LYRM7: variants seen among roughly 807,000 people sequenced by gnomAD.
LYRM7 encodes complex III assembly factor LYRM7.
LYRM7 carries 9 observed loss-of-function variants against 15.8 expected under a neutral mutation model. The ratio of observed to expected loss-of-function variants is 0.57; its 90% CI spans 0.34 to 0.99. The LOEUF is 0.99. Ranked by LOEUF, LYRM7 falls within the 50% of genes least tolerant of loss-of-function variation. LYRM7 has a pLI of 0.02. For missense variants in LYRM7, 115 were observed against 119.1 expected, an observed-to-expected ratio of 0.97 and a Z score of 0.16; for synonymous variants, 39 against 39.4, an observed-to-expected ratio of 0.99 and a Z score of 0.04.
chr5:131,176,556 C>A (rs1284535513), intron 1 of LYRM7, among the ~76,000 whole-genome samples: 2 of 144,136 alleles, frequency 1.4e-5, no homozygotes, highest in Non-Finnish European at 3.0e-5. Context: ...TATTCAAATT[C>A]TTTGACTTTT....
chr5:131,171,978 A>G (rs773054018), intron 1 of LYRM7, among the ~76,000 whole-genome samples: 7 of 152,252 alleles, frequency 4.6e-5, no homozygotes, highest in Non-Finnish European at 7.3e-5. Flanking sequence ...TAGTGGATGC[A>G]ACAATAAGCT....
rs1259832454 is a variant in LYRM7, at chr5:131,202,493, A to G, written c.*2892A>G. The stretch of plus-strand genomic sequence containing the variant: ...TGAGAGAACAAGACTCCGTCTCAAA[A>G]AAAGAAAAAAAGAAAACTTTTTTAC... On this transcript the variant is annotated 3_prime_UTR_variant, in exon 5 of 5. Coordinates refer to ENST00000379380, the MANE Select transcript of LYRM7 (RefSeq NM_181705.4). 6.6e-6 allele frequency: 1 copy of G among 152,228 alleles called. No homozygotes were observed. The highest frequency in any genetic ancestry group is 1.5e-5 in the Non-Finnish European group (1 of 68,056). 9.4% of individuals were successfully genotyped at this position (152,228 alleles called of 1,614,324 possible).
chr5:131,177,702 G>A (rs1189342519), intron 1 of LYRM7, among the ~76,000 whole-genome samples: 1 of 151,966 alleles, frequency 6.6e-6, no homozygotes, highest in African/African-American at 2.4e-5. Flanking sequence ...GTTTTATGTT[G>A]GGCACTTGGT....
rs184045731 is a variant in LYRM7 at position 131,173,559 on chromosome 5, C to T, written c.18+2521C>T. Among the ~76,000 whole-genome samples, 52 of 152,266 alleles carry T rather than the reference C, an allele frequency of 3.4e-4. No homozygotes were observed. The South Asian group carries it at 7.3e-3, about 21-fold the overall frequency. On this transcript the variant is annotated intron_variant, in intron 1 of 4. Transcript: ENST00000379380. ...AAGAGTTCGAGACCCATCTGGCCAA[C>T]GCAGTGAAACCCCGTCTCTACTAAA...
Position 131,188,110 on chromosome 5 carries a change from A to G in LYRM7, c.244+1001A>G, listed in dbSNP as rs546479833. ...CGCCTCTACAAAAAATACAAAAGTT[A>G]TCAGGATGCAGTGGTGCACACCTGT... On this transcript the variant is annotated intron_variant, in intron 4 of 4. Coordinates refer to ENST00000379380, the MANE Select transcript of LYRM7 (RefSeq NM_181705.4). Among the ~76,000 whole-genome samples, 47 of 152,094 alleles carry G rather than the reference A, an allele frequency of 3.1e-4. 1 individual carries two copies. The highest frequency in any genetic ancestry group is 1.1e-3 in the African/African-American group (47 of 41,494).
chr5:131,187,493 T>TGG (rs763200624), intron 4 of LYRM7, among the ~76,000 whole-genome samples: 13,835 of 151,524 alleles, frequency 0.091, 775 homozygotes, highest in South Asian at 0.13. Context: ...GTTTTTTTTT[T>TGG]GGGTTTTTTG....
chr5:131,176,225 C>T (rs941020978), intron 1 of LYRM7, among the ~76,000 whole-genome samples: 1 of 152,122 alleles, frequency 6.6e-6, no homozygotes, highest in Admixed American at 6.5e-5. Flanking sequence ...AACATGTTTT[C>T]ATTTGTCTTG....
At chr5:131,183,141 A>G (rs1490601590) in intron 3 of LYRM7, among the ~76,000 whole-genome samples, 2 of 152,158 alleles carry the variant, frequency 1.3e-5, no homozygotes, top group African/African-American at 4.8e-5. Flanking sequence ...ACTGATAAAA[A>G]ATGCATTTAT....
chr5:131,174,089 C>G (rs942635054), intron 1 of LYRM7, among the ~76,000 whole-genome samples: 2 of 152,232 alleles, frequency 1.3e-5, no homozygotes, highest in Non-Finnish European at 2.9e-5. Flanking sequence ...CCAGCCACTA[C>G]TTTATCAACT....
chr5:131,182,128 T>C (rs1561544823), intron 2 of LYRM7, 101 bp from the exon 3 acceptor site: 3 of 1,047,914 alleles, frequency 2.9e-6, no homozygotes, highest in East Asian at 8.5e-5. Context: ...GCAATTTCTA[T>C]AGTAGAGAAG....
At chr5:131,173,479 C>T (rs1483273815) in intron 1 of LYRM7, among the ~76,000 whole-genome samples, 2 of 152,242 alleles carry the variant, frequency 1.3e-5, no homozygotes, top group Non-Finnish European at 2.9e-5. Context: ...GGAAAGGTGG[C>T]TCACGCCTGT....
intron 4 of LYRM7, among the ~76,000 whole-genome samples, chr5:131,194,227 A>G (rs533973051): frequency 6.6e-6 from 1 of 152,226 alleles, no homozygotes; most frequent in Non-Finnish European, 1.5e-5. Flanking sequence ...AAATTATAAT[A>G]AAAACAGTAT....
chr5:131,187,153 T>C (rs1211988656), intron 4 of LYRM7, 44 bp downstream of exon 4: 1 of 1,082,194 alleles, frequency 9.2e-7, no homozygotes, highest in African/African-American at 1.6e-5. Context: ...GCAATGTGTT[T>C]TAAAATATTG....
At chr5:131,196,102 CTTT>C (rs561484173) in intron 4 of LYRM7, among the ~76,000 whole-genome samples, 6 of 130,996 alleles carry the variant, frequency 4.6e-5, no homozygotes, top group Admixed American at 7.8e-5. Context: ...TTCTCCTGTT[CTTT>C]TTTTTTTTTT....
At chr5:131,175,199 T>C (rs796170130) in intron 1 of LYRM7, among the ~76,000 whole-genome samples, 27 of 142,824 alleles carry the variant, frequency 1.9e-4, no homozygotes, top group South Asian at 1.7e-3. Flanking sequence ...TTCAATCTCT[T>C]TTTTTTTTTT....
At chr5:131,174,856 C>T (rs947496112) in intron 1 of LYRM7, among the ~76,000 whole-genome samples, 1 of 152,070 alleles carries the variant, frequency 6.6e-6, no homozygotes, top group Admixed American at 6.6e-5. Context: ...AAAAAAAGGA[C>T]TTAAAAGCCA....
chr5:131,177,655 T>C (rs1755622716), intron 1 of LYRM7, among the ~76,000 whole-genome samples: 1 of 152,230 alleles, frequency 6.6e-6, no homozygotes, highest in Non-Finnish European at 1.5e-5. Context: ...TTATCAGCAT[T>C]GCACTGAACT....
intron 3 of LYRM7, among the ~76,000 whole-genome samples, chr5:131,185,487 T>G (rs1286715855): frequency 6.6e-6 from 1 of 152,236 alleles, no homozygotes; most frequent in Admixed American, 6.5e-5. Flanking sequence ...GTGAATGGAT[T>G]TTTTACCCAT....
rs1452270947 is a variant in LYRM7, at chr5:131,201,330, AAAAAAGG to A, written c.*1742_*1748del. ...CTCTGTCTCAAAAAAAAAAAAGAAA[AAAAAAGG>A]AAAAAGGAAAAAAAAAAGATATATT... is the stretch of plus-strand genomic sequence containing the variant. On this transcript the variant is annotated 3_prime_UTR_variant, in exon 5 of 5. Coordinates refer to ENST00000379380, the MANE Select transcript of LYRM7 (RefSeq NM_181705.4). 2.0e-5 allele frequency: 3 copies of A among 151,936 alleles called. No homozygotes were observed. The highest frequency in any genetic ancestry group is 2.0e-4 in the Admixed American group (3 of 15,202). The allele number at this position is 151,936 out of a possible 1,614,324, so 9.4% of individuals were successfully genotyped here.
Sources: gnomAD v4.1 joint callset for allele counts (sites outside exome capture counted in the v4.1 genomes callset) on GRCh38, gnomAD v4.1.1 for gene constraint, MANE v1.5 for transcripts, NCBI Gene and HGNC (gene_info 2026-07-23, HGNC 2026-07-21) for gene names.